DYDC2: variants seen among roughly 807,000 people sequenced by gnomAD.
DYDC2 encodes the protein DPY30 domain containing 2.
DYDC2 carries 19 observed loss-of-function variants against 18.7 expected under a neutral mutation model. That is an observed-to-expected ratio of 1.02 (90% CI 0.71 to 1.49). The LOEUF (loss-of-function observed/expected upper bound fraction) is 1.49. DYDC2 is among the 40% of genes most tolerant of loss of function. The probability of loss-of-function intolerance (pLI) is 0.00; values close to 1 mark genes in which losing one functional copy is unlikely to be tolerated. For synonymous variants in DYDC2, 63 were observed against 67.6 expected, an observed-to-expected ratio of 0.93 and a Z score of 0.34; for missense variants, 179 against 205.1, an observed-to-expected ratio of 0.87 and a Z score of 0.78.
upstream of DYDC2, chr10:80,356,414 G>A: frequency 2.0e-6 from 2 of 985,566 alleles, no homozygotes; most frequent in Non-Finnish European, 2.4e-6. Context: ...CCGGGCAGGG[G>A]TGCCAGATAC....
intron 1 of DYDC2, among the ~76,000 whole-genome samples, chr10:80,349,313 A>G (rs1450681037): frequency 6.6e-6 from 1 of 152,244 alleles, no homozygotes; most frequent in Non-Finnish European, 1.5e-5. Context: ...ATCTAATAAA[A>G]AATTTATATT....
intron 1 of DYDC2, among the ~76,000 whole-genome samples, chr10:80,350,899 C>T (rs1156407457): frequency 6.6e-6 from 1 of 152,148 alleles, no homozygotes; most frequent in Non-Finnish European, 1.5e-5. Flanking sequence ...ATATCTTCAG[C>T]TCCCTAATCA....
In DYDC2 at chr10:80,358,156, T is replaced by C. The variant is rs948714250; in HGVS notation, c.-10+111T>C. On this transcript the variant is annotated intron_variant, in intron 2 of 4. Coordinates refer to ENST00000256039, the MANE Select transcript of DYDC2 (RefSeq NM_032372.6). ...ACTTTGGGAGGCGGAGGTGGGCGGATCACCTGAGGTGAGGAATTCAAAACC... is the reference window on the plus strand; with the variant it reads ...ACTTTGGGAGGCGGAGGTGGGCGGACCACCTGAGGTGAGGAATTCAAAACC... 5.4e-6 allele frequency: 4 copies of C among 737,464 alleles called. No homozygotes were observed. In the African/African-American group the frequency reaches 7.7e-5, roughly 14 times the overall value. The allele number at this position is 737,464 out of a possible 1,614,324, so 45.7% of individuals were successfully genotyped here. A position where few individuals can be genotyped will look rare whatever the true frequency, so the allele number is the denominator to read the frequency against.
chr10:80,357,827 A>G, intron 1 of DYDC2, 66 bp from the exon 2 acceptor site: 2 of 985,494 alleles, frequency 2.0e-6, no homozygotes, highest in Non-Finnish European at 2.4e-6. Flanking sequence ...GCGTGGAAAA[A>G]TCAAAGGGAA....
chr10:80,356,972 G>C, intron 1 of DYDC2, 147 bp downstream of exon 1: 1 of 548,634 alleles, frequency 1.8e-6, no homozygotes, highest in South Asian at 8.0e-5. Context: ...GCAGGAGTAG[G>C]AGCCCGCCGC....
intron 1 of DYDC2, among the ~76,000 whole-genome samples, chr10:80,350,714 A>G (rs1026871727): frequency 6.6e-6 from 1 of 152,156 alleles, no homozygotes; most frequent in African/African-American, 2.4e-5. Flanking sequence ...CCCTTTTTAA[A>G]TATGTAAATT....
chr10:80,349,584 T>C (rs1348110240), intron 1 of DYDC2, among the ~76,000 whole-genome samples: 2 of 152,220 alleles, frequency 1.3e-5, no homozygotes, highest in Non-Finnish European at 2.9e-5. Context: ...TTATCACTAC[T>C]AAGATAAAAG....
Position 80,362,548 on chromosome 10 carries a change from C to T in DYDC2, c.105C>T (p.His35=), listed in dbSNP as rs1465635959. The T allele has an allele frequency of 2.5e-5, 40 of 1,613,324 alleles. No homozygotes were observed. The highest frequency in any genetic ancestry group is 3.4e-5 in the Non-Finnish European group (40 of 1,179,426). Residue 35 remains histidine, a synonymous_variant, in exon 3 of 5, where the codon CAC becomes CAT. Coordinates refer to ENST00000256039, the MANE Select transcript of DYDC2 (RefSeq NM_032372.6). Reference sequence around the variant, plus strand: ...GTGACCCAATAGAATACCTGGCTCACTGGCTTTATCATTACAGGAAAACAG... The same window carrying T: ...GTGACCCAATAGAATACCTGGCTCATTGGCTTTATCATTACAGGAAAACAG... The part of the protein sequence containing the change: ...RPSDPIEYLA[H]WLYHYRKTAK...
intron 2 of DYDC2, 142 bp downstream of exon 2, chr10:80,358,187 G>A (rs892297736): frequency 2.1e-6 from 1 of 469,744 alleles, no homozygotes; most frequent in Non-Finnish European, 2.8e-6. Flanking sequence ...AAACCAGCCT[G>A]GCCAACATGG....
intron 2 of DYDC2, among the ~76,000 whole-genome samples, chr10:80,358,579 A>G (rs1843539719): frequency 6.6e-6 from 1 of 152,206 alleles, no homozygotes; most frequent in South Asian, 2.1e-4. Flanking sequence ...CCAGTGTGGC[A>G]GCCACCCCCT....
chr10:80,351,828 A>G (rs977048828), upstream of DYDC2: 123 of 1,370,182 alleles, frequency 9.0e-5, no homozygotes, highest in Non-Finnish European at 1.2e-4. Context: ...AAGTTTATCA[A>G]CATTTAGGCT....
chr10:80,346,313 T>C (rs1328180984), intron 1 of DYDC2, among the ~76,000 whole-genome samples: 1 of 152,204 alleles, frequency 6.6e-6, no homozygotes, highest in Non-Finnish European at 1.5e-5. Flanking sequence ...CTGGGTCATA[T>C]GGTAGCTTTT....
upstream of DYDC2, chr10:80,351,941 A>C: frequency 6.2e-7 from 1 of 1,614,076 alleles, no homozygotes; most frequent in Non-Finnish European, 8.5e-7. Context: ...CCTCTCCATC[A>C]TTTCCTGCTC....
At chr10:80,358,540 G>A (rs557740887) in intron 2 of DYDC2, among the ~76,000 whole-genome samples, 5 of 152,284 alleles carry the variant, frequency 3.3e-5, no homozygotes, top group African/African-American at 4.8e-5. Flanking sequence ...AGTAGGGGGA[G>A]GTATGCCAAT....
chr10:80,360,410 G>A (rs1177856261), intron 2 of DYDC2, among the ~76,000 whole-genome samples: 1 of 152,138 alleles, frequency 6.6e-6, no homozygotes, highest in Non-Finnish European at 1.5e-5. Context: ...CACCTTCCCT[G>A]TCTGACCGTA....
At chr10:80,361,679 A>C (rs1175811973) in intron 2 of DYDC2, among the ~76,000 whole-genome samples, 1 of 152,192 alleles carries the variant, frequency 6.6e-6, no homozygotes, top group African/African-American at 2.4e-5. Context: ...ATATGGACTC[A>C]TGGATTCTTA....
chr10:80,352,773 A>C, upstream of DYDC2: 1 of 879,228 alleles, frequency 1.1e-6, no homozygotes, highest in Non-Finnish European at 1.5e-6. Flanking sequence ...GAAACTTCTA[A>C]TAGTTTCCAA....
In DYDC2 at chr10:80,367,637, C is replaced by G. The variant is rs1000976061; in HGVS notation, c.*686C>G. The stretch of plus-strand genomic sequence containing the variant: ...TTTTCTCCCAACACTAAGCTTTCCT[C>G]CCAACACACATCCATCTCGTGTGTT... On this transcript the variant is annotated 3_prime_UTR_variant, in exon 5 of 5. Transcript: ENST00000256039. 4 of 152,250 alleles carry G rather than the reference C, an allele frequency of 2.6e-5. No homozygotes were observed. The highest frequency in any genetic ancestry group is 9.7e-5 in the African/African-American group (4 of 41,442). The allele number at this position is 152,250 out of a possible 1,614,324, so 9.4% of individuals were successfully genotyped here. A position where few individuals can be genotyped will look rare whatever the true frequency, so the allele number is the denominator to read the frequency against.
intron 2 of DYDC2, among the ~76,000 whole-genome samples, chr10:80,358,567 A>C (rs1843538690): frequency 6.6e-6 from 1 of 152,182 alleles, no homozygotes; most frequent in Non-Finnish European, 1.5e-5. Flanking sequence ...TGCCACATGT[A>C]ACCAGTGTGG....
Sources: allele counts gnomAD v4.1 joint callset (sites outside exome capture counted in the v4.1 genomes callset), GRCh38; gene constraint gnomAD v4.1.1; transcripts MANE v1.5; gene names NCBI Gene and HGNC (gene_info 2026-07-23, HGNC 2026-07-21).